The following SEMA5A variants were observed in gnomAD, a reference collection of about 807,000 sequenced individuals.
SEMA5A encodes the protein semaphorin-5A.
Under a neutral mutation model 135.5 loss-of-function variants are expected in SEMA5A, and 55 were observed. The ratio of observed to expected loss-of-function variants is 0.41; its 90% CI spans 0.33 to 0.51. SEMA5A has a LOEUF of 0.51. Among genes scored for constraint, SEMA5A ranks in the 20% least tolerant of loss-of-function variants. The pLI is 0.37. For missense variants in SEMA5A, 1,290 were observed against 1,419.9 expected (o/e 0.91, Z 1.47); for synonymous variants, 580 against 546.5 (o/e 1.06, Z -0.85).
At chr5:9,108,314 G>A in intron 15 of SEMA5A, 27 bp from the exon 16 acceptor site, 2 of 1,611,620 alleles carry the variant, frequency 1.2e-6, no homozygotes, top group Non-Finnish European at 8.5e-7. Context: ...AAAATGACAA[G>A]GAAACTAATT....
intron 1 of SEMA5A, among the ~76,000 whole-genome samples, chr5:9,541,405 T>C (rs914176493): frequency 5.3e-5 from 8 of 152,108 alleles, no homozygotes; most frequent in African/African-American, 1.9e-4. Context: ...CAGTGACAAA[T>C]AATGAGTGAA....
chr5:9,344,834 G>T (rs1309646523), intron 3 of SEMA5A, among the ~76,000 whole-genome samples: 1 of 152,188 alleles, frequency 6.6e-6, no homozygotes, highest in Non-Finnish European at 1.5e-5. Context: ...GGGCTTAGTT[G>T]AATCAAAGCA....
At chr5:9,356,529 C>T (rs1046892852) in intron 3 of SEMA5A, among the ~76,000 whole-genome samples, 6 of 152,092 alleles carry the variant, frequency 3.9e-5, no homozygotes, top group Non-Finnish European at 8.8e-5. Flanking sequence ...AAAGTGCAAG[C>T]GGAAAAGAAC....
At chr5:9,481,849 CA>C (rs1759887898) in intron 1 of SEMA5A, among the ~76,000 whole-genome samples, 1 of 152,182 alleles carries the variant, frequency 6.6e-6, no homozygotes, top group Non-Finnish European at 1.5e-5. Context: ...AAACAAAGAG[CA>C]CATCCCTAAC....
At chr5:9,438,100 A>C (rs1561253089) in intron 1 of SEMA5A, among the ~76,000 whole-genome samples, 1 of 152,252 alleles carries the variant, frequency 6.6e-6, no homozygotes, top group Admixed American at 6.5e-5. Context: ...AATGCTGTTA[A>C]CAGATGAAAT....
At chr5:9,129,129 A>G (rs918862073) in intron 13 of SEMA5A, among the ~76,000 whole-genome samples, 3 of 152,252 alleles carry the variant, frequency 2.0e-5, no homozygotes. Flanking sequence ...AGGAGCTCAT[A>G]AGAAAGGCAC....
At chr5:9,543,327 G>T (rs552091162) in intron 1 of SEMA5A, among the ~76,000 whole-genome samples, 1 of 152,188 alleles carries the variant, frequency 6.6e-6, no homozygotes, top group Admixed American at 6.5e-5. Context: ...TTTCGGTCTC[G>T]TGGTCAATAA....
At chr5:9,436,737 G>A (rs1055658710) in intron 2 of SEMA5A, among the ~76,000 whole-genome samples, 1 of 152,156 alleles carries the variant, frequency 6.6e-6, no homozygotes, top group South Asian at 2.1e-4. Flanking sequence ...CTAGTATATG[G>A]AATGAAATTG....
intron 12 of SEMA5A, among the ~76,000 whole-genome samples, chr5:9,145,641 C>CAT (rs751748488): frequency 8.5e-5 from 10 of 117,536 alleles, no homozygotes; most frequent in Admixed American, 8.5e-4. Flanking sequence ...AAGAAGAAAA[C>CAT]TTTTTTTTTT....
chr5:9,313,418 T>A (rs549377044), intron 5 of SEMA5A, among the ~76,000 whole-genome samples: 3 of 152,254 alleles, frequency 2.0e-5, no homozygotes, highest in South Asian at 4.1e-4. Context: ...TTTTCTTGAA[T>A]TTAGGGACAA....
intron 4 of SEMA5A, among the ~76,000 whole-genome samples, chr5:9,320,527 T>C (rs1253521977): frequency 2.0e-5 from 3 of 152,068 alleles, no homozygotes; most frequent in East Asian, 1.9e-4. Context: ...CTAGGCAACA[T>C]AGGGAGACCC....
intron 5 of SEMA5A, among the ~76,000 whole-genome samples, chr5:9,251,064 A>G (rs1349112601): frequency 6.6e-6 from 1 of 152,126 alleles, no homozygotes; most frequent in African/African-American, 2.4e-5. Context: ...GACTAATGCC[A>G]TTGTCTCAGG....
chr5:9,465,640 T>C (rs1759229708), intron 1 of SEMA5A, among the ~76,000 whole-genome samples: 1 of 152,208 alleles, frequency 6.6e-6, no homozygotes, highest in South Asian at 2.1e-4. Flanking sequence ...TTAAAGTATA[T>C]GGGAAGATGC....
rs1751446057 is a variant in SEMA5A at position 9,298,402 on chromosome 5, T to G, written c.270+19970A>C. Among the ~76,000 whole-genome samples, 3 of 152,196 alleles carry G rather than the reference T, an allele frequency of 2.0e-5. 1 individual carries two copies. Among genetic ancestry groups the G allele is most frequent in the African/African-American group, 7.2e-5 (3 of 41,450 alleles). On this transcript the variant is annotated intron_variant, in intron 5 of 22. Transcript: ENST00000382496. ...AGAATATGGCCCTGCCAACACTTGA[T>G]TTTAGATTTCAGGCCTCCAGAACTG...
chr5:9,278,327 G>A (rs1307164837), intron 5 of SEMA5A, among the ~76,000 whole-genome samples: 1 of 152,120 alleles, frequency 6.6e-6, no homozygotes, highest in East Asian at 1.9e-4. Flanking sequence ...CATTCAAGAG[G>A]TGATCTGATT....
At chr5:9,425,886 C>T (rs996791482) in intron 2 of SEMA5A, among the ~76,000 whole-genome samples, 1 of 152,054 alleles carries the variant, frequency 6.6e-6, no homozygotes, top group Non-Finnish European at 1.5e-5. Context: ...ATATATTATC[C>T]ACTGGGCTCA....
intron 1 of SEMA5A, among the ~76,000 whole-genome samples, chr5:9,531,257 G>A (rs1737417194): frequency 6.6e-6 from 1 of 152,208 alleles, no homozygotes; most frequent in Admixed American, 6.5e-5. Context: ...AAGGAAGACT[G>A]TAAATAGTTC....
chr5:9,357,224 A>T (rs2126346110), intron 3 of SEMA5A, among the ~76,000 whole-genome samples: 1 of 152,282 alleles, frequency 6.6e-6, no homozygotes, highest in African/African-American at 2.4e-5. Flanking sequence ...GACCTATTAA[A>T]TTTAATGCCA....
chr5:9,467,903 C>T (rs13166820), intron 1 of SEMA5A, among the ~76,000 whole-genome samples: 43,953 of 152,146 alleles, frequency 0.29, 6,719 homozygotes, highest in East Asian at 0.52. Context: ...CCATTCGGGG[C>T]ACTAAAACTT....
Sources: gnomAD v4.1 joint callset for allele counts (sites outside exome capture counted in the v4.1 genomes callset) on GRCh38, gnomAD v4.1.1 for gene constraint, MANE v1.5 for transcripts, NCBI Gene and HGNC (gene_info 2026-07-23, HGNC 2026-07-21) for gene names.